SEZ6L: variants seen among roughly 807,000 people sequenced by gnomAD.
The protein encoded by SEZ6L is seizure related 6 homolog like, also known as seizure 6-like protein.
SEZ6L carries 37 observed loss-of-function variants against 106.2 expected under a neutral mutation model. That is an observed-to-expected ratio of 0.35 (90% CI 0.27 to 0.46). SEZ6L has a LOEUF of 0.46. Ranked by LOEUF, SEZ6L falls within the 20% of genes least tolerant of loss-of-function variation. The pLI is 1.00. For synonymous variants in SEZ6L, 541 were observed against 570.4 expected (o/e 0.95, Z 0.73); for missense variants, 1,172 against 1,332.8 (o/e 0.88, Z 1.88).
intron 1 of SEZ6L, among the ~76,000 whole-genome samples, chr22:26,240,269 C>T (rs2079085234): frequency 1.3e-5 from 2 of 152,106 alleles, no homozygotes; most frequent in Admixed American, 6.5e-5. Flanking sequence ...TCAAACCAAA[C>T]AGCCCCTCCT....
intron 1 of SEZ6L, among the ~76,000 whole-genome samples, chr22:26,204,901 C>T (rs1452078875): frequency 6.6e-6 from 1 of 152,206 alleles, no homozygotes; most frequent in Non-Finnish European, 1.5e-5. Flanking sequence ...ACTGCCCCTG[C>T]CCAGCTCTAT....
chr22:26,263,793 C>G (rs1179217071), intron 1 of SEZ6L, among the ~76,000 whole-genome samples: 1 of 152,186 alleles, frequency 6.6e-6, no homozygotes, highest in African/African-American at 2.4e-5. Flanking sequence ...TGATCTCTTC[C>G]TTCTCTCAGC....
Position 26,310,853 on chromosome 22 carries a change from G to C in SEZ6L, c.1681+17G>C. On this transcript the variant is annotated intron_variant, in intron 7 of 16. Coordinates refer to ENST00000248933, the MANE Select transcript of SEZ6L (RefSeq NM_021115.5). ...GATTTGAAGGTGAGGGTCCCTGGGA[G>C]CTTCCCTTTCTCTTGTGGGGCTGGG... The C allele has an allele frequency of 6.2e-7, 1 of 1,611,802 alleles. No homozygotes were observed. Among genetic ancestry groups the C allele is most frequent in the South Asian group, 1.1e-5 (1 of 90,928 alleles).
intron 1 of SEZ6L, among the ~76,000 whole-genome samples, chr22:26,210,303 A>G (rs2078120939): frequency 6.6e-6 from 1 of 152,244 alleles, no homozygotes; most frequent in African/African-American, 2.4e-5. Context: ...GAACTAATCA[A>G]AAGCCTTAAT....
chr22:26,246,032 A>G (rs2079329583), intron 1 of SEZ6L, among the ~76,000 whole-genome samples: 3 of 152,266 alleles, frequency 2.0e-5, no homozygotes. Context: ...TGAAGAGTTT[A>G]TAAAAATGAA....
chr22:26,215,483 CA>C (rs2078274514), intron 1 of SEZ6L, among the ~76,000 whole-genome samples: 1 of 151,958 alleles, frequency 6.6e-6, no homozygotes, highest in Admixed American at 6.5e-5. Context: ...AATGGCAAAC[CA>C]AAATGGGAGA....
chr22:26,314,036 C>A, intron 9 of SEZ6L, 134 bp downstream of exon 9: 2 of 817,110 alleles, frequency 2.4e-6, no homozygotes, highest in Non-Finnish European at 4.0e-6. Context: ...AGAGAACAGG[C>A]ATTCCCATAG....
intron 1 of SEZ6L, among the ~76,000 whole-genome samples, chr22:26,221,735 CGCGT>C (rs1302206998): frequency 1.5e-5 from 2 of 135,674 alleles, no homozygotes; most frequent in East Asian, 2.1e-4. Flanking sequence ...CGCGTGCACA[CGCGT>C]GCACACACAC....
intron 1 of SEZ6L, among the ~76,000 whole-genome samples, chr22:26,253,391 G>T (rs1398081647): frequency 6.6e-6 from 1 of 151,994 alleles, no homozygotes; most frequent in Non-Finnish European, 1.5e-5. Flanking sequence ...TATTTAGTTG[G>T]TTTTTTTGAC....
intron 13 of SEZ6L, among the ~76,000 whole-genome samples, chr22:26,368,813 C>G (rs1255119839): frequency 6.6e-6 from 1 of 151,862 alleles, no homozygotes; most frequent in African/African-American, 2.4e-5. Context: ...GATAGGTGAG[C>G]CATCTTACCT....
intron 16 of SEZ6L, 123 bp downstream of exon 16, chr22:26,377,898 T>C (rs902350918): frequency 1.4e-5 from 10 of 727,840 alleles, no homozygotes; most frequent in African/African-American, 3.5e-5. Flanking sequence ...TCCTGTCTTA[T>C]CCCCACCAAG....
intron 1 of SEZ6L, among the ~76,000 whole-genome samples, chr22:26,243,978 C>T (rs997611263): frequency 2.6e-5 from 4 of 152,056 alleles, no homozygotes; most frequent in African/African-American, 4.8e-5. Context: ...GCCTGGGCAA[C>T]ATTGTGAAAC....
chr22:26,265,243 T>G (rs922678774), intron 1 of SEZ6L, among the ~76,000 whole-genome samples: 5 of 152,198 alleles, frequency 3.3e-5, no homozygotes, highest in African/African-American at 4.8e-5. Flanking sequence ...CTTGTCAACC[T>G]GAATTGCCTT....
chr22:26,283,327 A>C (rs1388052660), intron 1 of SEZ6L, among the ~76,000 whole-genome samples: 1 of 152,232 alleles, frequency 6.6e-6, no homozygotes, highest in Non-Finnish European at 1.5e-5. Flanking sequence ...AATGGCAATA[A>C]TTTGAATATT....
Position 26,369,341 on chromosome 22 carries a change from C to CTTTTTTT in SEZ6L, c.2794+3779_2794+3780insTTTTTTT, listed in dbSNP as rs199641007. 1.6e-3 allele frequency among the ~76,000 whole-genome samples: 165 copies of CTTTTTTT among 103,634 alleles called. 33 individuals carry two copies. Among genetic ancestry groups the CTTTTTTT allele is most frequent in the East Asian group, 0.014 (33 of 2,278 alleles). 68.0% of individuals were successfully genotyped at this position (103,634 alleles called of 152,430 possible). A position where few individuals can be genotyped will look rare whatever the true frequency, so the allele number is the denominator to read the frequency against. On this transcript the variant is annotated intron_variant, in intron 13 of 16. Coordinates refer to ENST00000248933, the MANE Select transcript of SEZ6L (RefSeq NM_021115.5). ...ATGACAATGACTTATATAAGCAGTT[C>CTTTTTTT]TTTTGTTTTTTTTTTTGAGACAGAT... is the stretch of plus-strand genomic sequence containing the variant.
intron 1 of SEZ6L, chr22:26,242,786 A>G (rs1476659957): frequency 6.6e-6 from 1 of 152,206 alleles, no homozygotes; most frequent in Non-Finnish European, 1.5e-5. Flanking sequence ...TTCTCTTGCC[A>G]GGCAGTGGTC....
At chr22:26,302,987 A>G (rs1438498723) in intron 5 of SEZ6L, among the ~76,000 whole-genome samples, 1 of 152,206 alleles carries the variant, frequency 6.6e-6, no homozygotes, top group Non-Finnish European at 1.5e-5. Flanking sequence ...TGTGCCAGGG[A>G]TGGCATGAAG....
intron 6 of SEZ6L, among the ~76,000 whole-genome samples, chr22:26,307,149 G>C (rs1183884832): frequency 6.6e-6 from 1 of 152,186 alleles, no homozygotes; most frequent in Non-Finnish European, 1.5e-5. Flanking sequence ...GGGTGAGGGA[G>C]CTAGGGTACT....
chr22:26,261,911 A>G (rs2080020995), intron 1 of SEZ6L, among the ~76,000 whole-genome samples: 4 of 152,112 alleles, frequency 2.6e-5, no homozygotes, highest in Admixed American at 2.0e-4. Flanking sequence ...TTGGTCAAGG[A>G]GGAGCAACAG....
Sources: gnomAD v4.1 joint callset for allele counts (sites outside exome capture counted in the v4.1 genomes callset) on GRCh38, gnomAD v4.1.1 for gene constraint, MANE v1.5 for transcripts, NCBI Gene and HGNC (gene_info 2026-07-23, HGNC 2026-07-21) for gene names.